USP32: variants seen among roughly 807,000 people sequenced by gnomAD.
The protein encoded by USP32 is ubiquitin carboxyl-terminal hydrolase 32.
Under a neutral mutation model 204.8 loss-of-function variants are expected in USP32, and 59 were observed. That is an observed-to-expected ratio of 0.29 (90% confidence interval 0.23 to 0.36). The LOEUF (loss-of-function observed/expected upper bound fraction) is 0.36. Ranked by LOEUF, USP32 falls within the 10% of genes least tolerant of loss-of-function variation. The pLI is 1.00. For synonymous variants in USP32, 517 were observed against 678.4 expected, an observed-to-expected ratio of 0.76 and a Z score of 3.70; for missense variants, 1,160 against 1,946.4, an observed-to-expected ratio of 0.60 and a Z score of 7.60.
chr17:60,298,570 C>T (rs1431987025), intron 3 of USP32, among the ~76,000 whole-genome samples: 3 of 151,878 alleles, frequency 2.0e-5, no homozygotes, highest in Non-Finnish European at 4.4e-5. Flanking sequence ...GTACTGTTAC[C>T]TTAAGCTCCT....
At chr17:60,371,806 T>C (rs921717842) in intron 1 of USP32, among the ~76,000 whole-genome samples, 2 of 152,180 alleles carry the variant, frequency 1.3e-5, no homozygotes, top group African/African-American at 2.4e-5. Flanking sequence ...CAACAACTCA[T>C]AGTCTTGAAA....
intron 1 of USP32, among the ~76,000 whole-genome samples, chr17:60,373,045 T>C (rs927998727): frequency 1.3e-5 from 2 of 151,724 alleles, no homozygotes; most frequent in African/African-American, 4.9e-5. Flanking sequence ...CATGCACCCA[T>C]AGTCGCAGCT....
At chr17:60,203,873 C>A (rs1567763171) in intron 26 of USP32, among the ~76,000 whole-genome samples, 1 of 152,176 alleles carries the variant, frequency 6.6e-6, no homozygotes, top group Non-Finnish European at 1.5e-5. Context: ...CTGTGCCCGG[C>A]CTTTCCTTTA....
At chr17:60,244,389 T>C (rs115134523) in intron 11 of USP32, among the ~76,000 whole-genome samples, 2 of 152,174 alleles carry the variant, frequency 1.3e-5, no homozygotes, top group East Asian at 1.9e-4. Context: ...AATCTGTTTA[T>C]ATTTAAGGTA....
chr17:60,248,407 G>T (rs919282899), intron 11 of USP32, among the ~76,000 whole-genome samples: 3 of 152,038 alleles, frequency 2.0e-5, no homozygotes, highest in Non-Finnish European at 2.9e-5. Flanking sequence ...AATAATTTTC[G>T]AGAAATTTTA....
intron 1 of USP32, among the ~76,000 whole-genome samples, chr17:60,379,636 T>C (rs2089612527): frequency 1.3e-5 from 2 of 152,228 alleles, no homozygotes; most frequent in East Asian, 1.9e-4. Flanking sequence ...AGAGAACTTC[T>C]GTGTAGTGCA....
intron 16 of USP32, among the ~76,000 whole-genome samples, chr17:60,216,030 A>G (rs1216457213): frequency 2.0e-5 from 3 of 152,244 alleles, no homozygotes. Context: ...AGAGTTTCAA[A>G]TTGAAGCCAA....
intron 1 of USP32, among the ~76,000 whole-genome samples, chr17:60,419,658 G>A (rs1450556789): frequency 1.3e-5 from 2 of 150,624 alleles, no homozygotes; most frequent in African/African-American, 2.4e-5. Context: ...GCGTGAACCC[G>A]GGAGGCGGAG....
intron 24 of USP32, chr17:60,207,765 GC>G (rs1375107199): frequency 8.3e-6 from 2 of 241,684 alleles, no homozygotes; most frequent in African/African-American, 4.7e-5. Context: ...GGTAACAGCA[GC>G]AGTCTTTGGT....
intron 1 of USP32, among the ~76,000 whole-genome samples, chr17:60,412,534 CA>C (rs202179814): frequency 0.11 from 11,416 of 108,340 alleles, 500 homozygotes; most frequent in African/African-American, 0.17. Flanking sequence ...TACCCTGTTT[CA>C]AAAAAAAAAA....
intron 9 of USP32, among the ~76,000 whole-genome samples, chr17:60,261,004 AG>A (rs1023363254): frequency 1.7e-4 from 26 of 152,240 alleles, no homozygotes; most frequent in Non-Finnish European, 3.1e-4. Flanking sequence ...TCTACGGGTG[AG>A]GATATGATCT....
chr17:60,213,627 T>C lies in USP32; in HGVS notation c.2058A>G (p.Lys686=). 1 of 1,383,464 alleles carries C rather than the reference T, an allele frequency of 7.2e-7. No individual in the cohort carries two copies. The highest frequency in any genetic ancestry group is 9.8e-7 in the Non-Finnish European group (1 of 1,023,712). The allele number at this position is 1,383,464 out of a possible 1,614,324, so 85.7% of individuals were successfully genotyped here. The change falls in exon 18 of 34, where the codon AAA becomes AAG. Residue 686 remains lysine, a synonymous_variant. Transcript: ENST00000300896. The stretch of plus-strand genomic sequence containing the variant: ...CATCCTGGATTTTCAAATATTCCAA[T>C]TTATGATCCTCATCATCCAGAAGAG... ...YLTLLDDEDH[K]LEYLKIQDEQ...
At chr17:60,202,583 T>TG (rs2084706945) in intron 26 of USP32, among the ~76,000 whole-genome samples, 1 of 152,138 alleles carries the variant, frequency 6.6e-6, no homozygotes, top group Non-Finnish European at 1.5e-5. Context: ...ATGAACATGG[T>TG]TTACTCCTTC....
In USP32 at chr17:60,256,263, T is replaced by C. The variant is rs756472820; in HGVS notation, c.991-1005A>G. On this transcript the variant is annotated intron_variant, in intron 9 of 33. Coordinates refer to ENST00000300896, the MANE Select transcript of USP32 (RefSeq NM_032582.4). ...GAAAGGAAGAAAAACAAAAACTCATTTTTGTTTTTTCAAAAAAGTTCACAT... is the reference window on the plus strand; with the variant it reads ...GAAAGGAAGAAAAACAAAAACTCATCTTTGTTTTTTCAAAAAAGTTCACAT... Among the ~76,000 whole-genome samples the C allele has an allele frequency of 5.0e-3, 766 of 152,058 alleles. 2 individuals are homozygous for C. Among genetic ancestry groups the C allele is most frequent in the Non-Finnish European group, 8.5e-3 (577 of 67,942 alleles).
intron 7 of USP32, among the ~76,000 whole-genome samples, chr17:60,267,961 C>T (rs187539937): frequency 6.6e-6 from 1 of 152,208 alleles, no homozygotes; most frequent in African/African-American, 2.4e-5. Context: ...CAGATGCCTG[C>T]CACTGCACCC....
At chr17:60,339,307 G>T (rs1330709165) in intron 2 of USP32, among the ~76,000 whole-genome samples, 1 of 152,038 alleles carries the variant, frequency 6.6e-6, no homozygotes, top group African/African-American at 2.4e-5. Flanking sequence ...AAATGGCCGA[G>T]CATGGTGGCT....
Position 60,207,038 on chromosome 17 carries a change from G to C in USP32, c.3020C>G (p.Ser1007Cys), listed in dbSNP as rs200692170. The part of the protein sequence containing the change: ...IPVPVSPISA[S>C]SPTQTDFSSS... ...TATCTTACCTGTCTGTGTTGGACTA[G>C]AAGCTGAAATTGGAGACACAGGGAC... is the stretch of plus-strand genomic sequence containing the variant. The change falls in exon 25 of 34, where the codon TCT becomes TGT. Residue 1007 changes from serine to cysteine, a missense_variant. This residue lies in a region of USP32 where 47 missense variants were observed against 71.1 expected (regional missense o/e 0.66). Transcript: ENST00000300896. 9.9e-6 allele frequency: 16 copies of C among 1,612,736 alleles called. No homozygotes were observed. The highest frequency in any genetic ancestry group is 1.4e-5 in the Non-Finnish European group (16 of 1,179,192).
At chr17:60,347,851 A>G (rs888310864) in intron 1 of USP32, among the ~76,000 whole-genome samples, 1 of 150,574 alleles carries the variant, frequency 6.6e-6, no homozygotes, top group South Asian at 2.1e-4. Context: ...GGCTGGGCGC[A>G]GTGGCTCACG....
intron 1 of USP32, among the ~76,000 whole-genome samples, chr17:60,366,987 C>G (rs2089329246): frequency 6.6e-6 from 1 of 152,068 alleles, no homozygotes; most frequent in Non-Finnish European, 1.5e-5. Context: ...CCACACCCAG[C>G]TAATTTTGTT....
Sources: allele counts gnomAD v4.1 joint callset (sites outside exome capture counted in the v4.1 genomes callset), GRCh38; gene constraint gnomAD v4.1.1; regional missense constraint gnomAD v4.1.1; transcripts MANE v1.5; gene names NCBI Gene and HGNC (gene_info 2026-07-23, HGNC 2026-07-21).